The following BLTP3A variants were observed in gnomAD, a reference collection of about 807,000 sequenced individuals.
The protein encoded by BLTP3A is bridge-like lipid transfer protein family member 3A.
chr6:34,827,171 C>A, the BLTP3A span, among the ~76,000 whole-genome samples: 687 of 152,022 alleles, frequency 4.5e-3, 4 homozygotes, highest in Admixed American at 7.4e-3. Context: ...ATTAGCCGGG[C>A]GTGGTGGCGC....
the BLTP3A span, among the ~76,000 whole-genome samples, chr6:34,865,464 C>G: frequency 6.6e-6 from 1 of 152,168 alleles, no homozygotes; most frequent in African/African-American, 2.4e-5. Flanking sequence ...ATAAGTTGAT[C>G]CCATAACTTG....
At chr6:34,867,716 C>T in the BLTP3A span, 1 of 1,423,646 alleles carries the variant, frequency 7.0e-7, no homozygotes, top group Non-Finnish European at 9.3e-7. Context: ...AGCCACTCTA[C>T]TAGTGCCAAG....
At chr6:34,834,663 T>C in the BLTP3A span, 2 of 1,586,110 alleles carry the variant, frequency 1.3e-6, no homozygotes, top group Non-Finnish European at 8.6e-7. Flanking sequence ...CTTGGACTTC[T>C]TGCTTCTTGG....
the BLTP3A span, chr6:34,836,293 G>C: frequency 2.5e-6 from 4 of 1,614,074 alleles, no homozygotes; most frequent in African/African-American, 5.3e-5. Flanking sequence ...CCTACCATCT[G>C]CTCATCTCCC....
At chr6:34,793,691 G>T in the BLTP3A span, among the ~76,000 whole-genome samples, 2 of 152,106 alleles carry the variant, frequency 1.3e-5, no homozygotes, top group African/African-American at 4.8e-5. Flanking sequence ...TAATCTAGAT[G>T]TTCCATGAGT....
chr6:34,815,233 A>G, the BLTP3A span, among the ~76,000 whole-genome samples: 1 of 142,108 alleles, frequency 7.0e-6, no homozygotes, highest in East Asian at 2.0e-4. Context: ...GGTGTACAAA[A>G]TAAGTTGGTG....
chr6:34,846,634 A>G, the BLTP3A span, among the ~76,000 whole-genome samples: 1 of 152,150 alleles, frequency 6.6e-6, no homozygotes, highest in African/African-American at 2.4e-5. Flanking sequence ...GCTTTACTGA[A>G]TTTGTTTATT....
chr6:34,810,391 T>A, the BLTP3A span, among the ~76,000 whole-genome samples: 1 of 152,236 alleles, frequency 6.6e-6, no homozygotes, highest in South Asian at 2.1e-4. Context: ...TTTAAGCAGA[T>A]CCTCATAACA....
the BLTP3A span, chr6:34,836,145 G>A: frequency 6.2e-7 from 1 of 1,612,452 alleles, no homozygotes; most frequent in Admixed American, 1.7e-5. Context: ...TTCTCTCTCT[G>A]TCACATGTAG....
the BLTP3A span, chr6:34,864,184 T>C: frequency 6.2e-7 from 1 of 1,613,940 alleles, no homozygotes; most frequent in Non-Finnish European, 8.5e-7. Flanking sequence ...AGCTTTGTGA[T>C]GCTCTTGGAG....
At chr6:34,864,619 G>A in the BLTP3A span, among the ~76,000 whole-genome samples, 3 of 145,076 alleles carry the variant, frequency 2.1e-5, no homozygotes, top group Admixed American at 7.1e-5. Context: ...ACCTCTGTAA[G>A]TTAAACTGGT....
chr6:34,810,376 A>C, the BLTP3A span, among the ~76,000 whole-genome samples: 9 of 152,368 alleles, frequency 5.9e-5, no homozygotes, highest in Admixed American at 2.6e-4. Context: ...CACATCATAC[A>C]ACGTTTTAAG....
the BLTP3A span, chr6:34,872,036 G>A: frequency 9.4e-7 from 1 of 1,059,064 alleles, no homozygotes; most frequent in Non-Finnish European, 1.4e-6. Context: ...GCCTGCATGT[G>A]GGTGTTTTGG....
chr6:34,857,915 A>G, the BLTP3A span: 2 of 1,612,264 alleles, frequency 1.2e-6, no homozygotes, highest in Non-Finnish European at 1.7e-6. Context: ...ATTCTGGTTG[A>G]AGGTGAGGGG....
the BLTP3A span, among the ~76,000 whole-genome samples, chr6:34,818,173 A>G: frequency 7.3e-4 from 111 of 152,274 alleles, no homozygotes; most frequent in African/African-American, 2.6e-3. Context: ...TGTAGGATTA[A>G]GAGAGACCCA....
the BLTP3A span, among the ~76,000 whole-genome samples, chr6:34,801,278 T>C: frequency 6.6e-6 from 1 of 152,168 alleles, no homozygotes; most frequent in African/African-American, 2.4e-5. Context: ...AAATTTGGAG[T>C]GTGTAGTCCA....
At chr6:34,867,344 G>C in the BLTP3A span, 19 of 1,614,148 alleles carry the variant, frequency 1.2e-5, no homozygotes, top group Non-Finnish European at 1.6e-5. Flanking sequence ...CAACAGTTCA[G>C]TTTCACCCAG....
At chr6:34,859,414 A>G in the BLTP3A span, 186 of 1,614,178 alleles carry the variant, frequency 1.2e-4, 2 homozygotes, top group South Asian at 1.9e-3. Context: ...AGAATTGTCA[A>G]GTGCTATTCA....
At chr6:34,869,640 C>CTTTTTTTTTTTTTTTT in the BLTP3A span, among the ~76,000 whole-genome samples, 3 of 81,532 alleles carry the variant, frequency 3.7e-5, 1 homozygote, top group African/African-American at 1.8e-4. Context: ...ACATACACCA[C>CTTTTTTTTTTTTTTTT]TTTTTTTTTT....
Sources: gnomAD v4.1 joint callset for allele counts (sites outside exome capture counted in the v4.1 genomes callset) on GRCh38, gnomAD v4.1.1 for gene constraint, MANE v1.5 for transcripts, NCBI Gene and HGNC (gene_info 2026-07-23, HGNC 2026-07-21) for gene names.